The following DENR variants were observed in gnomAD, a reference collection of about 807,000 sequenced individuals.
DENR encodes density regulated re-initiation and release factor.
In DENR, 6 loss-of-function variants were observed where a neutral mutation model predicts 30.6. The observed-to-expected ratio is 0.20, with a 90% confidence interval of 0.11 to 0.39. The LOEUF is 0.39. Among genes scored for constraint, DENR ranks in the 10% least tolerant of loss-of-function variants. DENR has a pLI of 1.00. For missense variants in DENR, 141 were observed against 230.9 expected (o/e 0.61, Z 2.52); for synonymous variants, 78 against 72.1 (o/e 1.08, Z -0.41).
chr12:122,761,405 CTG>C (rs1878695921), intron 2 of DENR, among the ~76,000 whole-genome samples: 1 of 151,188 alleles, frequency 6.6e-6, no homozygotes, highest in African/African-American at 2.4e-5. Context: ...GAGCAAGACT[CTG>C]TCTCAGAAAA....
At chr12:122,756,280 C>G (rs2135507970) in intron 2 of DENR, among the ~76,000 whole-genome samples, 1 of 152,226 alleles carries the variant, frequency 6.6e-6, no homozygotes, top group African/African-American at 2.4e-5. Context: ...GAAACCCTGT[C>G]TCTACTAAAA....
intron 4 of DENR, among the ~76,000 whole-genome samples, chr12:122,763,921 G>T (rs2135511412): frequency 6.6e-6 from 1 of 152,244 alleles, no homozygotes; most frequent in East Asian, 1.9e-4. Flanking sequence ...GATAAGAATT[G>T]GTGGGAAGGA....
intron 2 of DENR, among the ~76,000 whole-genome samples, chr12:122,759,386 A>C (rs1288753962): frequency 1.3e-5 from 2 of 152,208 alleles, no homozygotes; most frequent in African/African-American, 4.8e-5. Flanking sequence ...GGTGAACTTA[A>C]AGGAGCTCCC....
At chr12:122,768,743 C>G (rs1040721565) in intron 6 of DENR, 39 bp from the exon 7 acceptor site, 5 of 1,486,928 alleles carry the variant, frequency 3.4e-6, no homozygotes, top group African/African-American at 1.4e-5. Flanking sequence ...TGCACAATTC[C>G]AATTACAGTT....
intron 2 of DENR, among the ~76,000 whole-genome samples, chr12:122,760,043 G>T (rs760711146): frequency 2.0e-5 from 3 of 152,140 alleles, no homozygotes; most frequent in Non-Finnish European, 4.4e-5. Flanking sequence ...AATAGTGATT[G>T]TGTGGTAGCA....
At chr12:122,754,249 C>T (rs754169876) in intron 2 of DENR, 1 of 200,630 alleles carries the variant, frequency 5.0e-6, no homozygotes, top group Non-Finnish European at 1.1e-5. Context: ...TCTGGTGTAT[C>T]GTATAGGGAG....
chr12:122,761,183 G>A (rs977722907), intron 2 of DENR, among the ~76,000 whole-genome samples: 9 of 151,136 alleles, frequency 6.0e-5, no homozygotes, highest in Non-Finnish European at 1.0e-4. Context: ...AGGCTGAGGC[G>A]GACGGATTAC....
intron 2 of DENR, among the ~76,000 whole-genome samples, chr12:122,758,863 T>C (rs1878622149): frequency 6.6e-6 from 1 of 151,060 alleles, no homozygotes; most frequent in South Asian, 2.1e-4. Flanking sequence ...TATTTTTTTT[T>C]TGAGTTGGAG....
intron 2 of DENR, among the ~76,000 whole-genome samples, chr12:122,759,124 G>A (rs541690208): frequency 3.3e-5 from 5 of 152,190 alleles, no homozygotes; most frequent in South Asian, 2.1e-4. Flanking sequence ...GATTGTAGAC[G>A]TGAGCCACCA....
chr12:122,753,120 C>G (rs573360400), intron 1 of DENR, among the ~76,000 whole-genome samples, 170 bp downstream of exon 1: 1 of 152,254 alleles, frequency 6.6e-6, no homozygotes, highest in East Asian at 1.9e-4. Flanking sequence ...CCTGGTCGCC[C>G]TTGTCCCCTC....
chr12:122,756,709 G>A (rs1237771348), intron 2 of DENR, among the ~76,000 whole-genome samples: 3 of 152,174 alleles, frequency 2.0e-5, no homozygotes, highest in African/African-American at 7.2e-5. Context: ...TGGTTGTATT[G>A]TGGAATTCAT....
In DENR at chr12:122,756,694, C is replaced by A. The variant is rs186510100; in HGVS notation, c.106+2887C>A. Reference sequence around the variant, plus strand: ...AGTGTGGAGGGAGTTTCGAGTGTTACAGTTTGGTTGTATTGTGGAATTCAT... The same window carrying A: ...AGTGTGGAGGGAGTTTCGAGTGTTAAAGTTTGGTTGTATTGTGGAATTCAT... On this transcript the variant is annotated intron_variant, in intron 2 of 7. Coordinates refer to ENST00000280557, the MANE Select transcript of DENR (RefSeq NM_003677.5). Among the ~76,000 whole-genome samples the A allele has an allele frequency of 1.9e-3, 296 of 152,144 alleles. 4 individuals carry two copies. The highest frequency in any genetic ancestry group is 6.7e-3 in the African/African-American group (277 of 41,524).
chr12:122,763,456 AG>A (rs1878761847), intron 4 of DENR, among the ~76,000 whole-genome samples: 1 of 152,036 alleles, frequency 6.6e-6, no homozygotes, highest in African/African-American at 2.4e-5. Context: ...CTGTAGTCCC[AG>A]CACTTTGGGA....
At chr12:122,754,382 T>C (rs1463231168) in intron 2 of DENR, 1 of 152,904 alleles carries the variant, frequency 6.5e-6, no homozygotes, top group African/African-American at 2.4e-5. Flanking sequence ...TTTTTCACTT[T>C]CGAGTGTTTT....
In DENR at chr12:122,762,196, T is replaced by C; in HGVS notation, c.116T>C (p.Leu39Ser). Reference protein sequence around the residue: ...LRVLYCGVCSLPTEYCEYMPD... With the variant: ...LRVLYCGVCSSPTEYCEYMPD... ...CTTTTTACTTCCTCAGTCTGTTCAT[T>C]ACCAACAGAGGTAAGTTCTTTAATT... The change falls in exon 3 of 8, where the codon TTA becomes TCA. Residue 39 changes from leucine to serine, a missense_variant. Coordinates refer to ENST00000280557, the MANE Select transcript of DENR (RefSeq NM_003677.5). The C allele has an allele frequency of 7.0e-7, 1 of 1,435,370 alleles. No individual in the cohort carries two copies. The highest frequency in any genetic ancestry group is 9.5e-7 in the Non-Finnish European group (1 of 1,055,004). 88.9% of individuals were successfully genotyped at this position (1,435,370 alleles called of 1,614,324 possible). A position where few individuals can be genotyped will look rare whatever the true frequency, so the allele number is the denominator to read the frequency against.
chr12:122,764,996 T>C (rs1403307331), intron 4 of DENR, among the ~76,000 whole-genome samples: 2 of 152,182 alleles, frequency 1.3e-5, no homozygotes, highest in Non-Finnish European at 2.9e-5. Context: ...TTAACAAAAT[T>C]AGTAAGTTTA....
rs1030177328 is a variant in DENR, at chr12:122,753,682, C to T, written c.-9-11C>T. The T allele has an allele frequency of 3.1e-6, 5 of 1,606,640 alleles. No homozygotes were observed. The African/African-American group carries it at 4.0e-5, about 13-fold the overall frequency. On this transcript the variant is annotated splice_polypyrimidine_tract_variant and intron_variant, in intron 1 of 7. Transcript: ENST00000280557. ...AAAATAGTGAGGGTGTGTTATTTTC[C>T]TTGCTTACAGGTTTGTGAAATGGCT...
chr12:122,766,877 C>T (rs1396546384), intron 5 of DENR, among the ~76,000 whole-genome samples: 1 of 152,208 alleles, frequency 6.6e-6, no homozygotes, highest in African/African-American at 2.4e-5. Flanking sequence ...CACAGATCCA[C>T]CGAAACACAG....
rs1247123618 is a variant in DENR, at chr12:122,770,073, A to T, written c.*995A>T. ...GCACAATAACATAACTGTTGGTAGG[A>T]GTTGTTTGAGCTATTCTGGAGATTA... is the stretch of plus-strand genomic sequence containing the variant. On this transcript the variant is annotated 3_prime_UTR_variant, in exon 8 of 8. Transcript: ENST00000280557. The T allele has an allele frequency of 1.3e-5, 2 of 152,566 alleles. No homozygotes were observed. Among genetic ancestry groups the T allele is most frequent in the Non-Finnish European group, 2.9e-5 (2 of 68,048 alleles). 9.5% of individuals were successfully genotyped at this position (152,566 alleles called of 1,614,324 possible).
Sources: gnomAD v4.1 joint callset for allele counts (sites outside exome capture counted in the v4.1 genomes callset) on GRCh38, gnomAD v4.1.1 for gene constraint, MANE v1.5 for transcripts, NCBI Gene and HGNC (gene_info 2026-07-23, HGNC 2026-07-21) for gene names.